ADARB1: variants seen among roughly 807,000 people sequenced by gnomAD.
The protein encoded by ADARB1 is double-stranded RNA-specific editase 1.
In ADARB1, 10 loss-of-function variants were observed where a neutral mutation model predicts 52.4. The observed-to-expected ratio is 0.19, with a 90% CI of 0.12 to 0.32. The LOEUF (loss-of-function observed/expected upper bound fraction) is 0.32, where lower values mean the gene tolerates loss of function less well. Ranked by LOEUF, ADARB1 falls within the 10% of genes least tolerant of loss-of-function variation. ADARB1 has a pLI of 1.00. For synonymous variants in ADARB1, 349 were observed against 371.1 expected, an observed-to-expected ratio of 0.94 and a Z score of 0.68; for missense variants, 643 against 922.3, an observed-to-expected ratio of 0.70 and a Z score of 3.92.
At chr21:45,168,734 C>T (rs1238203311) in intron 2 of ADARB1, among the ~76,000 whole-genome samples, 3 of 152,264 alleles carry the variant, frequency 2.0e-5, no homozygotes, top group African/African-American at 7.2e-5. Context: ...AGACTGATTG[C>T]TCCCACTTTA....
intron 1 of ADARB1, among the ~76,000 whole-genome samples, chr21:45,091,683 A>G (rs1263518678): frequency 6.6e-6 from 1 of 152,136 alleles, no homozygotes; most frequent in Non-Finnish European, 1.5e-5. Flanking sequence ...CCAGCATCCT[A>G]CAGCATTGCC....
intron 4 of ADARB1, 99 bp from the exon 5 acceptor site, chr21:45,180,231 T>C (rs2091879624): frequency 1.2e-6 from 1 of 813,456 alleles, no homozygotes; most frequent in East Asian, 2.7e-5. Flanking sequence ...AGAAGCAGCC[T>C]GTGTCACTCC....
chr21:45,183,575 T>C, intron 7 of ADARB1, 65 bp downstream of exon 7: 1 of 1,542,390 alleles, frequency 6.5e-7, no homozygotes, highest in Non-Finnish European at 8.8e-7. Context: ...AAAACTAACC[T>C]GTGTTAATAT....
At chr21:45,216,641 A>T (rs2092867954) in intron 9 of ADARB1, among the ~76,000 whole-genome samples, 1 of 152,090 alleles carries the variant, frequency 6.6e-6, no homozygotes, top group Admixed American at 6.5e-5. Flanking sequence ...ATCTATCTTT[A>T]TAAGTGTTCC....
At chr21:45,100,422 G>C (rs1042335550) in intron 1 of ADARB1, 10 of 152,280 alleles carry the variant, frequency 6.6e-5, no homozygotes, top group Non-Finnish European at 1.3e-4. Flanking sequence ...CAGACTTAGG[G>C]AGCGCTTGCC....
At chr21:45,202,942 A>G (rs8134183) in intron 8 of ADARB1, among the ~76,000 whole-genome samples, 1,876 of 141,958 alleles carry the variant, frequency 0.013, 45 homozygotes, top group African/African-American at 0.046. Flanking sequence ...CGCGTGCCAC[A>G]CTGTGCTGAG....
intron 1 of ADARB1, among the ~76,000 whole-genome samples, chr21:45,089,168 C>T (rs1378129170): frequency 6.6e-6 from 1 of 152,206 alleles, no homozygotes; most frequent in Non-Finnish European, 1.5e-5. Flanking sequence ...ATATCCTTCT[C>T]CCAGCTCACA....
At chr21:45,110,922 C>T (rs979343791) in intron 1 of ADARB1, among the ~76,000 whole-genome samples, 1 of 152,134 alleles carries the variant, frequency 6.6e-6, no homozygotes, top group Admixed American at 6.6e-5. Context: ...CATCCCTTTC[C>T]CATTCTCTGC....
intron 1 of ADARB1, among the ~76,000 whole-genome samples, chr21:45,107,114 A>G (rs2087293317): frequency 6.6e-6 from 1 of 152,218 alleles, no homozygotes. Context: ...TATGGAAGAG[A>G]CAACCCCATT....
chr21:45,090,596 A>G (rs962138095), intron 1 of ADARB1, among the ~76,000 whole-genome samples: 4 of 152,196 alleles, frequency 2.6e-5, no homozygotes, highest in African/African-American at 9.7e-5. Flanking sequence ...AGGTATAAGT[A>G]TACCAGTGGG....
At chr21:45,165,680 G>T (rs187971018) in intron 2 of ADARB1, among the ~76,000 whole-genome samples, 1 of 152,204 alleles carries the variant, frequency 6.6e-6, no homozygotes, top group East Asian at 1.9e-4. Context: ...TCGTTCAAAT[G>T]ATGTAAGAGG....
At chr21:45,214,827 T>C (rs1314344098) in intron 9 of ADARB1, among the ~76,000 whole-genome samples, 5 of 152,228 alleles carry the variant, frequency 3.3e-5, no homozygotes, top group African/African-American at 1.2e-4. Flanking sequence ...TCCAACTTTG[T>C]ACTTTTTCAA....
intron 2 of ADARB1, among the ~76,000 whole-genome samples, chr21:45,149,626 T>C (rs559547898): frequency 6.6e-6 from 1 of 152,344 alleles, no homozygotes; most frequent in African/African-American, 2.4e-5. Flanking sequence ...TTAACTGTTA[T>C]CTAGGTGTTC....
chr21:45,098,691 TC>T (rs1268704983), intron 1 of ADARB1, among the ~76,000 whole-genome samples: 9 of 152,224 alleles, frequency 5.9e-5, no homozygotes, highest in Non-Finnish European at 1.3e-4. Flanking sequence ...GGTAAAGTGT[TC>T]GTGGCAGTGT....
intron 2 of ADARB1, among the ~76,000 whole-genome samples, chr21:45,168,806 T>G (rs1354244398): frequency 2.6e-5 from 4 of 152,216 alleles, no homozygotes; most frequent in Non-Finnish European, 5.9e-5. Context: ...CTGTGTCATC[T>G]CCGTGTTGGC....
intron 2 of ADARB1, among the ~76,000 whole-genome samples, chr21:45,163,892 C>T (rs563804523): frequency 2.2e-4 from 34 of 152,328 alleles, no homozygotes; most frequent in African/African-American, 7.9e-4. Flanking sequence ...CTCCTGTAGA[C>T]TCAGAGTAGC....
intron 1 of ADARB1, among the ~76,000 whole-genome samples, chr21:45,092,814 T>C (rs879265078): frequency 1.3e-5 from 2 of 152,178 alleles, no homozygotes; most frequent in Admixed American, 6.5e-5. Context: ...ACCTGAATAA[T>C]AATTTAAAAA....
intron 8 of ADARB1, among the ~76,000 whole-genome samples, chr21:45,188,613 GTT>G (rs35827898): frequency 7.2e-4 from 26 of 36,214 alleles, no homozygotes; most frequent in African/African-American, 1.7e-3. Context: ...TAGTTGAATT[GTT>G]TTTTTTTTTT....
rs947655499 is a variant in ADARB1 at position 45,222,788 on chromosome 21, A to G, written c.*591A>G. The G allele has an allele frequency of 2.1e-5, 21 of 985,450 alleles. No homozygotes were observed. Among genetic ancestry groups the G allele is most frequent in the Non-Finnish European group, 2.3e-5 (19 of 830,106 alleles). 61.0% of individuals were successfully genotyped at this position (985,450 alleles called of 1,614,324 possible). On this transcript the variant is annotated 3_prime_UTR_variant, in exon 11 of 11. Coordinates refer to ENST00000348831, the MANE Select transcript of ADARB1 (RefSeq NM_001112.4). Reference sequence around the variant, plus strand: ...ACCTCCCTGGGTAGTTCCACACACTAGGTTGTAACAGTCTCTCCCTGAGGA... The same window carrying G: ...ACCTCCCTGGGTAGTTCCACACACTGGGTTGTAACAGTCTCTCCCTGAGGA...
Sources: gnomAD v4.1 joint callset for allele counts (sites outside exome capture counted in the v4.1 genomes callset) on GRCh38, gnomAD v4.1.1 for gene constraint, MANE v1.5 for transcripts, NCBI Gene and HGNC (gene_info 2026-07-23, HGNC 2026-07-21) for gene names.